Variants in BAZ1A observed in about 807,000 individuals in gnomAD.
The protein encoded by BAZ1A is bromodomain adjacent to zinc finger domain protein 1A.
Under a neutral mutation model 185.2 loss-of-function variants are expected in BAZ1A, and 50 were observed. The observed-to-expected ratio is 0.27, with a 90% confidence interval of 0.22 to 0.34. The LOEUF is 0.34. BAZ1A is among the 10% of genes least tolerant of loss of function. BAZ1A has a pLI of 1.00. For synonymous variants in BAZ1A, 571 were observed against 615.6 expected (o/e 0.93, Z 1.07); for missense variants, 1,356 against 1,839.9 (o/e 0.74, Z 4.81).
In BAZ1A at chr14:34,874,467, G is replaced by T; in HGVS notation, c.113+25C>A. The T allele has an allele frequency of 4.4e-6, 7 of 1,596,020 alleles. No homozygotes were observed. Among genetic ancestry groups the T allele is most frequent in the Non-Finnish European group, 6.0e-6 (7 of 1,164,854 alleles). On this transcript the variant is annotated intron_variant, in intron 2 of 26. Transcript: ENST00000360310. The surrounding 1 kb of genome is among the most constrained non-coding windows in gnomAD (Gnocchi z 4.7). ...GGGGGGAGTCCCCACACCCCCCGCG[G>T]CCCCGCACACGGCCCGGCTCTTACT...
At chr14:34,766,012 T>G (rs1878814002) in intron 21 of BAZ1A, among the ~76,000 whole-genome samples, 1 of 152,194 alleles carries the variant, frequency 6.6e-6, no homozygotes, top group Non-Finnish European at 1.5e-5. Context: ...CTACTATTAT[T>G]CTCAAATAAA....
At position 34,771,564 on chromosome 14, in the gene BAZ1A, G is replaced by A. The variant is rs1323552910; in HGVS notation, c.3248C>T (p.Ala1083Val). The A allele has an allele frequency of 1.9e-6, 3 of 1,613,980 alleles. No homozygotes were observed. The Admixed American group carries it at 5.0e-5, about 27-fold the overall frequency. Reference protein sequence around the residue: ...VSSVVHYLAMALFQIEQGIER... With the variant: ...VSSVVHYLAMVLFQIEQGIER... ...AATGCCCTGCTCTATTTGAAAGAGT[G>A]CCATTGCCAGATAATGAACCACACT... The change falls in exon 21 of 27, where the codon GCA becomes GTA. Residue 1083 changes from alanine (A) to valine (V), a missense_variant. Ala to Val is a moderately conservative substitution (Grantham distance 64). Coordinates refer to ENST00000360310, the MANE Select transcript of BAZ1A (RefSeq NM_013448.3).
chr14:34,753,791 T>C (rs1767231190), intron 26 of BAZ1A, 87 bp from the exon 27 acceptor site: 2 of 1,196,874 alleles, frequency 1.7e-6, no homozygotes, highest in South Asian at 2.2e-5. Flanking sequence ...GGAAATTTTA[T>C]TAAGAAAATG....
intron 24 of BAZ1A, 33 bp downstream of exon 24, chr14:34,761,724 C>T (rs1886527648): frequency 6.5e-7 from 1 of 1,527,350 alleles, no homozygotes; most frequent in Non-Finnish European, 8.9e-7. Flanking sequence ...ATTCAATTTT[C>T]CTAGGGAAGG....
intron 7 of BAZ1A, among the ~76,000 whole-genome samples, chr14:34,801,458 AT>A (rs111402829): frequency 0.59 from 88,766 of 150,868 alleles, 26,175 homozygotes; most frequent in South Asian, 0.68. Context: ...CACCTGGCTA[AT>A]TTTTTTTTGT....
In BAZ1A at chr14:34,830,331, A is replaced by C. The variant is rs75358918; in HGVS notation, c.393-4175T>G. Among the ~76,000 whole-genome samples the C allele has an allele frequency of 6.1e-3, 935 of 152,304 alleles. 17 individuals carry two copies. The highest frequency in any genetic ancestry group is 0.022 in the African/African-American group (903 of 41,556). Reference sequence around the variant, plus strand: ...AAAAATAGGAATGAAGTACTGATACATGCTACAATATTTATGAATCTTGAA... The same window carrying C: ...AAAAATAGGAATGAAGTACTGATACCTGCTACAATATTTATGAATCTTGAA... On this transcript the variant is annotated intron_variant, in intron 3 of 26. Transcript: ENST00000360310.
chr14:34,799,803 G>A (rs976447139), intron 9 of BAZ1A, among the ~76,000 whole-genome samples: 1 of 151,948 alleles, frequency 6.6e-6, no homozygotes, highest in Admixed American at 6.6e-5. Flanking sequence ...GTAGAGATGG[G>A]GTTTCACCGT....
chr14:34,759,171 G>GTTTTTTTTTTTT (rs780287749), intron 24 of BAZ1A, among the ~76,000 whole-genome samples: 2 of 66,468 alleles, frequency 3.0e-5, no homozygotes, highest in Non-Finnish European at 5.2e-5. Context: ...TACAGCTACA[G>GTTTTTTTTTTTT]TTTTTTTTTT....
At chr14:34,846,421 C>A (rs2042513177) in intron 3 of BAZ1A, among the ~76,000 whole-genome samples, 1 of 152,196 alleles carries the variant, frequency 6.6e-6, no homozygotes, top group South Asian at 2.1e-4. Context: ...TAGACAGATG[C>A]TCCTGATAGC....
chr14:34,871,440 T>A (rs1419932446), intron 2 of BAZ1A, among the ~76,000 whole-genome samples: 1 of 152,242 alleles, frequency 6.6e-6, no homozygotes, highest in South Asian at 2.1e-4. Context: ...GAGTCTTCTT[T>A]ACCTATGAAA....
chr14:34,819,140 C>CAAA (rs71121223), intron 4 of BAZ1A, among the ~76,000 whole-genome samples: 31 of 72,790 alleles, frequency 4.3e-4, no homozygotes, highest in South Asian at 1.2e-3. Context: ...GACTCTGTCT[C>CAAA]AAAAAAAAAA....
At chr14:34,854,400 C>T (rs201479063) in intron 3 of BAZ1A, among the ~76,000 whole-genome samples, 3 of 151,760 alleles carry the variant, frequency 2.0e-5, no homozygotes, top group South Asian at 2.1e-4. Flanking sequence ...CCAGCCTGGG[C>T]GACAGAGTGA....
At chr14:34,839,520 C>A (rs1234377084) in intron 3 of BAZ1A, among the ~76,000 whole-genome samples, 1 of 136,144 alleles carries the variant, frequency 7.3e-6, no homozygotes, top group Non-Finnish European at 1.5e-5. Context: ...GCCTGGGCGA[C>A]TAAGCCAGAA....
intron 4 of BAZ1A, among the ~76,000 whole-genome samples, chr14:34,817,804 T>G (rs536885832): frequency 3.9e-5 from 6 of 152,332 alleles, no homozygotes; most frequent in Non-Finnish European, 8.8e-5. Flanking sequence ...TTACACCCGA[T>G]AAGGATGACT....
At chr14:34,783,078 A>G in intron 16 of BAZ1A, 41 bp downstream of exon 16, 1 of 1,407,912 alleles carries the variant, frequency 7.1e-7, no homozygotes, top group Non-Finnish European at 9.9e-7. Context: ...TTTATTCTTT[A>G]TGTATGGTAA....
chr14:34,840,489 T>G lies in BAZ1A; in HGVS notation c.393-14333A>C, dbSNP rs1380310947. Among the ~76,000 whole-genome samples the G allele has an allele frequency of 2.0e-5, 3 of 152,154 alleles. No individual in the cohort carries two copies. In the South Asian group the frequency reaches 6.2e-4, roughly 31 times the overall value. On this transcript the variant is annotated intron_variant, in intron 3 of 26. Coordinates refer to ENST00000360310, the MANE Select transcript of BAZ1A (RefSeq NM_013448.3). ...GATGATAAAATTAGGCTGGGCGAGA[T>G]GGCTCACACCTGTTATCCCAGCACT...
chr14:34,757,422 T>A (rs1886303451), intron 25 of BAZ1A, among the ~76,000 whole-genome samples: 1 of 147,426 alleles, frequency 6.8e-6, no homozygotes, highest in Non-Finnish European at 1.5e-5. Context: ...CTCAGCATTT[T>A]GGGAGGCCAA....
rs60176426 is a variant in BAZ1A at position 34,829,267 on chromosome 14, G to GAAA, written c.393-3114_393-3112dup. Reference sequence around the variant, plus strand: ...GGCAACAGAGTGAGACTCTGTCTCTGAAAAAAAAAAAAAAAAAAAAAAAAG... The same window carrying GAAA: ...GGCAACAGAGTGAGACTCTGTCTCTGAAAAAAAAAAAAAAAAAAAAAAAAAAAG... On this transcript the variant is annotated intron_variant, in intron 3 of 26. Transcript: ENST00000360310. Among the ~76,000 whole-genome samples the GAAA allele has an allele frequency of 1.8e-3, 159 of 86,470 alleles. 2 individuals are homozygous for GAAA. Among genetic ancestry groups the GAAA allele is most frequent in the African/African-American group, 4.8e-3 (104 of 21,556 alleles). 56.7% of individuals were successfully genotyped at this position (86,470 alleles called of 152,430 possible). A position where few individuals can be genotyped will look rare whatever the true frequency, so the allele number is the denominator to read the frequency against.
chr14:34,816,080 CT>C (rs35830800), intron 4 of BAZ1A, among the ~76,000 whole-genome samples: 55 of 79,420 alleles, frequency 6.9e-4, no homozygotes, highest in East Asian at 2.2e-3. Flanking sequence ...TATTCCAGAC[CT>C]TTTTTTTTTT....
Sources: gnomAD v4.1 joint callset for allele counts (sites outside exome capture counted in the v4.1 genomes callset) on GRCh38, gnomAD v4.1.1 for gene constraint, Gnocchi (gnomAD v3.1) non-coding constraint, MANE v1.5 for transcripts, NCBI Gene and HGNC (gene_info 2026-07-23, HGNC 2026-07-21) for gene names.